The following PEAK1 variants were observed in gnomAD, a reference collection of about 807,000 sequenced individuals.
PEAK1 encodes inactive tyrosine-protein kinase PEAK1.
In PEAK1, 54 loss-of-function variants were observed where a neutral mutation model predicts 124.7. That is an observed-to-expected ratio of 0.43 (90% CI 0.35 to 0.54). The LOEUF (loss-of-function observed/expected upper bound fraction) is 0.54, where lower values mean the gene tolerates loss of function less well. Among genes scored for constraint, PEAK1 ranks in the 20% least tolerant of loss-of-function variants. The pLI is 0.01. For synonymous variants in PEAK1, 719 were observed against 760.0 expected (o/e 0.95, Z 0.89); for missense variants, 2,046 against 2,134.5 (o/e 0.96, Z 0.82).
intron 6 of PEAK1, among the ~76,000 whole-genome samples, chr15:77,235,493 G>C (rs2060080548): frequency 6.6e-6 from 1 of 152,174 alleles, no homozygotes; most frequent in Non-Finnish European, 1.5e-5. Flanking sequence ...CTTTGAACTT[G>C]AGAGAGATGA....
chr15:77,257,867 C>T (rs1413063895), intron 5 of PEAK1, among the ~76,000 whole-genome samples: 8 of 152,148 alleles, frequency 5.3e-5, no homozygotes, highest in African/African-American at 1.9e-4. Flanking sequence ...TCAGGTCTAA[C>T]GTTTAAGTCT....
At position 77,163,521 on chromosome 15, in the gene PEAK1, C is replaced by CT. The variant is rs564612949; in HGVS notation, c.3138-4826dup. On this transcript the variant is annotated intron_variant, in intron 7 of 9. Transcript: ENST00000682557. ...CATTACACCATCTAATGAAATAATC[C>CT]TTTTTTTGTTTCTCTGGGATATTCG... Among the ~76,000 whole-genome samples, 729 of 152,212 alleles carry CT rather than the reference C, an allele frequency of 4.8e-3. 5 individuals carry two copies. The highest frequency in any genetic ancestry group is 0.016 in the African/African-American group (685 of 41,526).
chr15:77,127,529 A>G (rs1316076904), intron 9 of PEAK1, among the ~76,000 whole-genome samples: 5 of 152,210 alleles, frequency 3.3e-5, no homozygotes, highest in African/African-American at 9.6e-5. Context: ...GATAGTAACA[A>G]GGAACATTAT....
At chr15:77,267,690 G>A (rs951999093) in intron 5 of PEAK1, among the ~76,000 whole-genome samples, 7 of 152,266 alleles carry the variant, frequency 4.6e-5, no homozygotes, top group Middle Eastern at 3.4e-3. Flanking sequence ...GGAGCAACCC[G>A]TGGGACAAAA....
At chr15:77,225,439 A>G (rs923809179) in intron 6 of PEAK1, among the ~76,000 whole-genome samples, 1 of 151,840 alleles carries the variant, frequency 6.6e-6, no homozygotes, top group African/African-American at 2.4e-5. Flanking sequence ...CAGATAAACC[A>G]TAATGCCAAG....
intron 2 of PEAK1, among the ~76,000 whole-genome samples, chr15:77,363,942 T>C (rs138172463): frequency 1.3e-5 from 2 of 152,228 alleles, no homozygotes; most frequent in East Asian, 3.9e-4. Context: ...CTCACACCTG[T>C]AATCCCAGCA....
intron 2 of PEAK1, chr15:77,352,043 A>G (rs373579721): frequency 1.2e-6 from 1 of 861,452 alleles, no homozygotes; most frequent in African/African-American, 1.8e-5. Context: ...TGACATAAGG[A>G]GACCCCATCT....
intron 8 of PEAK1, among the ~76,000 whole-genome samples, chr15:77,137,122 G>A (rs2152747106): frequency 6.6e-6 from 1 of 152,344 alleles, no homozygotes; most frequent in Non-Finnish European, 1.5e-5. Context: ...ACTGGGGTTT[G>A]GGAACCTCTG....
chr15:77,161,716 T>G (rs2055659485), intron 7 of PEAK1, among the ~76,000 whole-genome samples: 1 of 152,312 alleles, frequency 6.6e-6, no homozygotes, highest in East Asian at 1.9e-4. Context: ...CTCATGCCTG[T>G]AATCCCAGCA....
intron 2 of PEAK1, among the ~76,000 whole-genome samples, chr15:77,329,097 G>A (rs2065753258): frequency 6.6e-6 from 1 of 151,952 alleles, no homozygotes; most frequent in African/African-American, 2.4e-5. Flanking sequence ...TTTAATTAAT[G>A]GGCTAAGATA....
At chr15:77,141,653 T>A (rs938744192) in intron 8 of PEAK1, among the ~76,000 whole-genome samples, 1 of 152,064 alleles carries the variant, frequency 6.6e-6, no homozygotes, top group African/African-American at 2.4e-5. Flanking sequence ...TAATCAAGAG[T>A]ACGTGGTACT....
In PEAK1 at chr15:77,169,457, G is replaced by C. The variant is rs147677102; in HGVS notation, c.3137+9333C>G. ...TTTAATCAATAACCAAGTGTTATTG[G>C]TTAAATAACACTAAGATAACCATGA... On this transcript the variant is annotated intron_variant, in intron 7 of 9. Coordinates refer to ENST00000682557, the MANE Select transcript of PEAK1 (RefSeq NM_001385026.1). Among the ~76,000 whole-genome samples the C allele has an allele frequency of 2.0e-5, 3 of 152,266 alleles. No individual in the cohort carries two copies. In the East Asian group the frequency reaches 5.8e-4, roughly 29 times the overall value.
At chr15:77,277,536 A>G (rs2062399530) in intron 5 of PEAK1, among the ~76,000 whole-genome samples, 1 of 152,226 alleles carries the variant, frequency 6.6e-6, no homozygotes, top group Admixed American at 6.5e-5. Context: ...TGAATGGTAC[A>G]GTAAATATGG....
At position 77,108,785 on chromosome 15, in the gene PEAK1, T is replaced by G. The variant is rs1049037735; in HGVS notation, c.*5371A>C. 2 of 152,224 alleles carry G rather than the reference T, an allele frequency of 1.3e-5. No individual in the cohort carries two copies. The highest frequency in any genetic ancestry group is 4.8e-5 in the African/African-American group (2 of 41,446). 9.4% of individuals were successfully genotyped at this position (152,224 alleles called of 1,614,324 possible). On this transcript the variant is annotated 3_prime_UTR_variant, in exon 10 of 10. Transcript: ENST00000682557. ...GACCTCTTTTGATTCCCTGAAACTT[T>G]CTTGATTTAAAAAACAAAACCAAAC... is the stretch of plus-strand genomic sequence containing the variant.
Position 77,181,538 on chromosome 15 carries a change from G to A in PEAK1, c.389C>T (p.Pro130Leu). ...NEDDEGISHV[P>L]KPYGNNDSAK... ...ACTATCATTATTGCCATAAGGCTTA[G>A]GAACATGGCTAATTCCTTCATCATC... Residue 130 changes from proline (P) to leucine (L), a missense_variant, in exon 7 of 10, where the codon CCT (proline) becomes CTT (leucine). Physicochemically the swap from Pro to Leu is moderately conservative, Grantham distance 98. Transcript: ENST00000682557. 1 of 1,614,048 alleles carries A rather than the reference G, an allele frequency of 6.2e-7. No individual in the cohort carries two copies. The highest frequency in any genetic ancestry group is 8.5e-7 in the Non-Finnish European group (1 of 1,180,018).
intron 5 of PEAK1, among the ~76,000 whole-genome samples, chr15:77,259,673 T>C (rs545202798): frequency 6.6e-6 from 1 of 152,178 alleles, no homozygotes; most frequent in East Asian, 1.9e-4. Flanking sequence ...CATAAACAAT[T>C]AGAATACAGC....
chr15:77,417,832 C>T, intron 1 of PEAK1: 1 of 985,402 alleles, frequency 1.0e-6, no homozygotes, highest in Non-Finnish European at 1.2e-6. Flanking sequence ...TGTGCCAAAG[C>T]ATGAATTTAT....
chr15:77,171,077 A>G (rs764162992), intron 7 of PEAK1, among the ~76,000 whole-genome samples: 18 of 152,146 alleles, frequency 1.2e-4, no homozygotes, highest in Non-Finnish European at 2.4e-4. Context: ...CCTATTTTCA[A>G]TATTAGTGCC....
At chr15:77,240,534 C>G (rs1452295251) in intron 6 of PEAK1, among the ~76,000 whole-genome samples, 2 of 151,622 alleles carry the variant, frequency 1.3e-5, no homozygotes, top group East Asian at 1.9e-4. Flanking sequence ...GTGGGAGGAC[C>G]TGCTTGAGCC....
Sources: allele counts gnomAD v4.1 joint callset (sites outside exome capture counted in the v4.1 genomes callset), GRCh38; gene constraint gnomAD v4.1.1; transcripts MANE v1.5; gene names NCBI Gene and HGNC (gene_info 2026-07-23, HGNC 2026-07-21).